Variants in NEBL observed in about 807,000 individuals in gnomAD.
NEBL encodes the protein LIM and SH3 protein 2.
Under a neutral mutation model 140.2 loss-of-function variants are expected in NEBL, and 122 were observed. The observed-to-expected ratio is 0.87, with a 90% CI of 0.75 to 1.01. NEBL has a LOEUF of 1.01. Among genes scored for constraint, NEBL ranks in the 50% least tolerant of loss-of-function variants. The pLI is 0.00. For missense variants in NEBL, 1,365 were observed against 1,231.3 expected, an observed-to-expected ratio of 1.11 and a Z score of -1.62; for synonymous variants, 436 against 398.9, an observed-to-expected ratio of 1.09 and a Z score of -1.11.
chr10:21,121,807 T>C (rs766214526), intron 2 of NEBL, among the ~76,000 whole-genome samples: 1 of 152,198 alleles, frequency 6.6e-6, no homozygotes, highest in Non-Finnish European at 1.5e-5. Flanking sequence ...GTGTTTTGCA[T>C]GTAAACCCAC....
chr10:21,101,324 C>A (rs1355634429), intron 2 of NEBL, among the ~76,000 whole-genome samples: 1 of 152,242 alleles, frequency 6.6e-6, no homozygotes, highest in Middle Eastern at 3.2e-3. Context: ...CAAGGTAAGA[C>A]TTCATGCCCA....
intron 2 of NEBL, among the ~76,000 whole-genome samples, chr10:21,032,443 C>T (rs1224047937): frequency 6.6e-6 from 1 of 152,126 alleles, no homozygotes; most frequent in Non-Finnish European, 1.5e-5. Context: ...AGTGTTGATG[C>T]GATGTCTATT....
chr10:20,950,023 G>C (rs964313030), intron 4 of NEBL, among the ~76,000 whole-genome samples: 2 of 152,108 alleles, frequency 1.3e-5, no homozygotes, highest in Non-Finnish European at 2.9e-5. Context: ...TCCTAAACCT[G>C]AGTTTGTTAC....
chr10:21,070,285 T>A (rs1383287061), intron 2 of NEBL, among the ~76,000 whole-genome samples: 1 of 152,128 alleles, frequency 6.6e-6, no homozygotes, highest in Non-Finnish European at 1.5e-5. Flanking sequence ...TTTAAGTAAA[T>A]CTCTCAGTGG....
At chr10:21,089,969 T>C (rs1836835541) in intron 2 of NEBL, among the ~76,000 whole-genome samples, 1 of 152,146 alleles carries the variant, frequency 6.6e-6, no homozygotes, top group Non-Finnish European at 1.5e-5. Flanking sequence ...AACGTACAAA[T>C]GGCCTCTATG....
At chr10:21,077,431 C>A (rs938156376) in intron 2 of NEBL, among the ~76,000 whole-genome samples, 1 of 151,926 alleles carries the variant, frequency 6.6e-6, no homozygotes, top group Non-Finnish European at 1.5e-5. Flanking sequence ...CATGGTGAAA[C>A]CCCATCTCTA....
intron 3 of NEBL, among the ~76,000 whole-genome samples, chr10:20,972,660 T>C (rs1356206235): frequency 6.6e-6 from 1 of 151,928 alleles, no homozygotes; most frequent in Non-Finnish European, 1.5e-5. Context: ...GGCAGGAGAA[T>C]TGCTTGAACC....
At chr10:21,264,850 CT>C (rs1842780450) in intron 1 of NEBL, among the ~76,000 whole-genome samples, 1 of 150,416 alleles carries the variant, frequency 6.6e-6, no homozygotes, top group Non-Finnish European at 1.5e-5. Context: ...AGGGCTTGTT[CT>C]TTTTCAAATA....
At chr10:20,855,204 G>A (rs183859576) in intron 9 of NEBL, among the ~76,000 whole-genome samples, 264 of 150,294 alleles carry the variant, frequency 1.8e-3, no homozygotes, top group Middle Eastern at 3.5e-3. Flanking sequence ...ACTCCATCCT[G>A]GAGACAGAGC....
chr10:21,106,088 C>G (rs953696197), intron 2 of NEBL, among the ~76,000 whole-genome samples: 1 of 151,788 alleles, frequency 6.6e-6, no homozygotes, highest in African/African-American at 2.4e-5. Context: ...TGGATATTAG[C>G]CCTTTGTCAG....
intron 2 of NEBL, among the ~76,000 whole-genome samples, chr10:21,249,314 A>G (rs1842558416): frequency 6.6e-6 from 1 of 152,186 alleles, no homozygotes; most frequent in African/African-American, 2.4e-5. Context: ...CATTTGACCC[A>G]CAGAATGGGA....
At chr10:20,974,362 TC>T (rs903026392) in intron 3 of NEBL, among the ~76,000 whole-genome samples, 3 of 151,342 alleles carry the variant, frequency 2.0e-5, no homozygotes, top group African/African-American at 4.9e-5. Context: ...CAAGCGATCC[TC>T]CCATCTCAGC....
intron 3 of NEBL, among the ~76,000 whole-genome samples, chr10:21,209,490 A>G (rs915268943): frequency 6.6e-6 from 1 of 152,044 alleles, no homozygotes; most frequent in Non-Finnish European, 1.5e-5. Flanking sequence ...GATTCTGTTG[A>G]AAAGAAAGAG....
chr10:21,164,533 G>T (rs1840683051), intron 2 of NEBL, among the ~76,000 whole-genome samples: 1 of 152,190 alleles, frequency 6.6e-6, no homozygotes, highest in African/African-American at 2.4e-5. Context: ...GGAGAGATCT[G>T]CTGAGCTTCA....
At chr10:21,037,500 A>G (rs1834062120) in intron 2 of NEBL, among the ~76,000 whole-genome samples, 1 of 152,148 alleles carries the variant, frequency 6.6e-6, no homozygotes, top group African/African-American at 2.4e-5. Context: ...AAATAAAAAT[A>G]TATGTGTTGA....
At chr10:21,010,615 T>G (rs1396829257) in intron 3 of NEBL, among the ~76,000 whole-genome samples, 1 of 147,922 alleles carries the variant, frequency 6.8e-6, no homozygotes, top group East Asian at 2.1e-4. Flanking sequence ...CAAAAAAAAA[T>G]AAGAAAGCAT....
intron 1 of NEBL, among the ~76,000 whole-genome samples, chr10:21,274,973 G>A (rs2132292480): frequency 6.6e-6 from 1 of 152,226 alleles, no homozygotes; most frequent in South Asian, 2.1e-4. Context: ...TGGTTTTGCT[G>A]TCTCAGGGAA....
Position 20,828,627 on chromosome 10 carries a change from T to C in NEBL, c.1679A>G (p.Tyr560Cys). The change falls in exon 17 of 28, where the codon TAT (tyrosine) becomes TGT (cysteine). Residue 560 changes from tyrosine (Y) to cysteine (C), a missense_variant. Coordinates refer to ENST00000377122, the MANE Select transcript of NEBL (RefSeq NM_006393.3). Reference sequence around the variant, plus strand: ...AAGCATCTTCTCTGCTTCATCTTTATACTTTCTCTAAAAACATAAACAGTT... The same window carrying C: ...AAGCATCTTCTCTGCTTCATCTTTACACTTTCTCTAAAAACATAAACAGTT... ...RTSEIYSQRK[Y>C]KDEAEKMLSN... 1 of 1,557,686 alleles carries C rather than the reference T, an allele frequency of 6.4e-7. No individual in the cohort carries two copies. The highest frequency in any genetic ancestry group is 8.9e-7 in the Non-Finnish European group (1 of 1,129,640).
At chr10:21,229,710 T>C (rs1381242605) in intron 3 of NEBL, among the ~76,000 whole-genome samples, 1 of 152,188 alleles carries the variant, frequency 6.6e-6, no homozygotes, top group Non-Finnish European at 1.5e-5. Context: ...TGAATAAAGA[T>C]GTCGACAGGA....
Sources: gnomAD v4.1 joint callset for allele counts (sites outside exome capture counted in the v4.1 genomes callset) on GRCh38, gnomAD v4.1.1 for gene constraint, MANE v1.5 for transcripts, NCBI Gene and HGNC (gene_info 2026-07-23, HGNC 2026-07-21) for gene names.